ADAMTS20: variants seen among roughly 807,000 people sequenced by gnomAD.
ADAMTS20 encodes the protein A disintegrin and metalloproteinase with thrombospondin motifs 20.
ADAMTS20 carries 225 observed loss-of-function variants against 260.1 expected under a neutral mutation model. That is an observed-to-expected ratio of 0.87 (90% CI 0.78 to 0.97). ADAMTS20 has a LOEUF of 0.97. ADAMTS20 is among the 50% of genes least tolerant of loss of function. The pLI, the probability that ADAMTS20 is intolerant of heterozygous loss-of-function variation, is 0.00. For missense variants in ADAMTS20, 2,400 were observed against 2,337.7 expected, an observed-to-expected ratio of 1.03 and a Z score of -0.55; for synonymous variants, 802 against 769.5, an observed-to-expected ratio of 1.04 and a Z score of -0.70.
At position 43,428,789 on chromosome 12, in the gene ADAMTS20, G is replaced by C; in HGVS notation, c.3500C>G (p.Ser1167Cys). ...RHGSWTPCSV[S>C]CGRGTQARYV... ...GCGGGCTTGAGTACCTCTTCCACAA[G>C]ATACGGAGCACTTTTTAAGAAATCA... The change falls in exon 25 of 39, where the codon TCT (serine) becomes TGT (cysteine). Residue 1167 changes from serine to cysteine, a missense_variant. Ser to Cys is a moderately radical substitution (Grantham distance 112). Coordinates refer to ENST00000389420, the MANE Select transcript of ADAMTS20 (RefSeq NM_025003.5). 6.2e-7 allele frequency: 1 copy of C among 1,603,602 alleles called. No individual in the cohort carries two copies. The highest frequency in any genetic ancestry group is 8.5e-7 in the Non-Finnish European group (1 of 1,173,662).
At chr12:43,430,954 T>C (rs1156935819) in intron 22 of ADAMTS20, among the ~76,000 whole-genome samples, 2 of 152,248 alleles carry the variant, frequency 1.3e-5, no homozygotes, top group African/African-American at 2.4e-5. Flanking sequence ...GCCTGATCAT[T>C]GCTCATCCTG....
intron 29 of ADAMTS20, among the ~76,000 whole-genome samples, chr12:43,388,234 C>T (rs972013263): frequency 4.6e-5 from 7 of 152,172 alleles, no homozygotes; most frequent in Admixed American, 2.0e-4. Context: ...CAGATAGGAC[C>T]GTCCCTCAAG....
chr12:43,443,202 A>T (rs1156554366), intron 16 of ADAMTS20, among the ~76,000 whole-genome samples: 1 of 152,206 alleles, frequency 6.6e-6, no homozygotes, highest in Admixed American at 6.5e-5. Flanking sequence ...CATCATTTTC[A>T]TGTTTGTGTC....
At chr12:43,460,711 T>C (rs1235558577) in intron 11 of ADAMTS20, among the ~76,000 whole-genome samples, 2 of 151,952 alleles carry the variant, frequency 1.3e-5, no homozygotes, top group Admixed American at 6.6e-5. Context: ...TGATAAATTA[T>C]AGTACATCTG....
intron 29 of ADAMTS20, among the ~76,000 whole-genome samples, chr12:43,391,795 A>G (rs1940602316): frequency 6.6e-6 from 1 of 152,170 alleles, no homozygotes; most frequent in Admixed American, 6.5e-5. Flanking sequence ...CCCTGAAAGA[A>G]AAAAATTTAA....
chr12:43,449,820 G>C (rs987559604), intron 14 of ADAMTS20, among the ~76,000 whole-genome samples: 1 of 151,946 alleles, frequency 6.6e-6, no homozygotes, highest in Non-Finnish European at 1.5e-5. Context: ...TTTATTAAAG[G>C]GTCATCCACA....
intron 18 of ADAMTS20, among the ~76,000 whole-genome samples, chr12:43,438,255 T>C (rs1009586580): frequency 6.6e-5 from 10 of 152,170 alleles, no homozygotes; most frequent in African/African-American, 2.4e-4. Flanking sequence ...TTTAAAATGT[T>C]CCTTCATTCT....
At chr12:43,402,968 C>T (rs933504251) in intron 28 of ADAMTS20, among the ~76,000 whole-genome samples, 1 of 151,990 alleles carries the variant, frequency 6.6e-6, no homozygotes, top group Non-Finnish European at 1.5e-5. Flanking sequence ...GTGCCCTGAA[C>T]TGATAATTCT....
intron 38 of ADAMTS20, among the ~76,000 whole-genome samples, chr12:43,355,735 C>A (rs1939729784): frequency 6.6e-6 from 1 of 152,020 alleles, no homozygotes; most frequent in Admixed American, 6.6e-5. Context: ...ATCTAAGACA[C>A]AATAACCATA....
intron 37 of ADAMTS20, among the ~76,000 whole-genome samples, chr12:43,368,408 C>T (rs1940033668): frequency 6.6e-6 from 1 of 152,034 alleles, no homozygotes; most frequent in African/African-American, 2.4e-5. Flanking sequence ...CAGGTTCTTA[C>T]TCATTTTAGC....
chr12:43,405,640 C>CT (rs1940905323), intron 28 of ADAMTS20, among the ~76,000 whole-genome samples: 1 of 151,790 alleles, frequency 6.6e-6, no homozygotes, highest in Admixed American at 6.6e-5. Context: ...TTTTAGTCCT[C>CT]TATTGTTGTT....
intron 7 of ADAMTS20, among the ~76,000 whole-genome samples, chr12:43,484,415 A>C (rs1003270981): frequency 2.0e-5 from 3 of 152,158 alleles, no homozygotes; most frequent in African/African-American, 7.2e-5. Flanking sequence ...GGTGAAAAAC[A>C]AATAGGATTT....
At chr12:43,537,506 C>T (rs973263931) in intron 2 of ADAMTS20, among the ~76,000 whole-genome samples, 8 of 152,020 alleles carry the variant, frequency 5.3e-5, no homozygotes, top group African/African-American at 4.8e-5. Context: ...TTGATAAATG[C>T]TTTTTGAGTT....
At chr12:43,468,539 T>A in intron 8 of ADAMTS20, 61 bp downstream of exon 8, 4 of 1,027,522 alleles carry the variant, frequency 3.9e-6, no homozygotes, top group Non-Finnish European at 6.0e-6. Flanking sequence ...AGATAGAATT[T>A]CAGGCATTCT....
intron 7 of ADAMTS20, among the ~76,000 whole-genome samples, chr12:43,488,520 C>A (rs770644989): frequency 1.3e-5 from 2 of 152,118 alleles, no homozygotes; most frequent in Non-Finnish European, 2.9e-5. Flanking sequence ...AACTACACAT[C>A]ATTTTGCATG....
At chr12:43,544,995 A>G (rs1015588402) in intron 2 of ADAMTS20, among the ~76,000 whole-genome samples, 1 of 152,046 alleles carries the variant, frequency 6.6e-6, no homozygotes, top group African/African-American at 2.4e-5. Flanking sequence ...GCCTCAATGC[A>G]CCTACAGTTG....
intron 11 of ADAMTS20, 42 bp from the exon 12 acceptor site, chr12:43,454,094 T>C: frequency 1.3e-6 from 2 of 1,583,104 alleles, no homozygotes; most frequent in Non-Finnish European, 1.7e-6. Context: ...TGTGTGTCTC[T>C]AATTAGAACA....
At chr12:43,375,040 C>T (rs1238444538) in intron 36 of ADAMTS20, among the ~76,000 whole-genome samples, 3 of 152,134 alleles carry the variant, frequency 2.0e-5, no homozygotes, top group Middle Eastern at 3.4e-3. Context: ...GGCATGGTGG[C>T]GTGTGCCTGT....
At chr12:43,371,605 G>C (rs1182496380) in intron 36 of ADAMTS20, among the ~76,000 whole-genome samples, 1 of 152,158 alleles carries the variant, frequency 6.6e-6, no homozygotes, top group Non-Finnish European at 1.5e-5. Context: ...CAAAAGAAAT[G>C]AAGGGGTAAA....
Sources: gnomAD v4.1 joint callset for allele counts (sites outside exome capture counted in the v4.1 genomes callset) on GRCh38, gnomAD v4.1.1 for gene constraint, MANE v1.5 for transcripts, NCBI Gene and HGNC (gene_info 2026-07-23, HGNC 2026-07-21) for gene names.